Variants in FRMD6 observed in about 807,000 individuals in gnomAD.
FRMD6 encodes the protein FERM domain-containing protein 6.
FRMD6 carries 37 observed loss-of-function variants against 73.2 expected under a neutral mutation model. That is an observed-to-expected ratio of 0.51 (90% confidence interval 0.39 to 0.66). The LOEUF (loss-of-function observed/expected upper bound fraction) is 0.66. Ranked by LOEUF, FRMD6 falls within the 30% of genes least tolerant of loss-of-function variation. The pLI, the probability that FRMD6 is intolerant of heterozygous loss-of-function variation, is 0.00. For missense variants in FRMD6, 714 were observed against 780.5 expected (o/e 0.91, Z 1.02); for synonymous variants, 273 against 282.2 (o/e 0.97, Z 0.33).
the FRMD6 span, among the ~76,000 whole-genome samples, chr14:51,448,590 T>C: frequency 5.3e-5 from 8 of 152,334 alleles, no homozygotes; most frequent in South Asian, 1.7e-3. Context: ...AGTTACCCAT[T>C]GGCAAGGAAA....
At chr14:51,671,092 A>G (rs1893975252) in intron 1 of FRMD6, among the ~76,000 whole-genome samples, 1 of 152,206 alleles carries the variant, frequency 6.6e-6, no homozygotes, top group Non-Finnish European at 1.5e-5. Context: ...CGTTCCTGGA[A>G]TACACCCAAC....
In FRMD6 at chr14:51,535,823, G is replaced by GGTTCCAATTTT. The variant is rs1465392655; in HGVS notation, c.-209-34515_-209-34514insTGTTCCAATTT. On this transcript the variant is annotated intron_variant, in intron 1 of 14. Coordinates refer to the FRMD6 transcript ENST00000356218. ...AACAATCCCACCAGCAAGGTATGAGGGTTCCAATTTATCCACATCCTTGTC... is the reference window on the plus strand; with the variant it reads ...AACAATCCCACCAGCAAGGTATGAGGGTTCCAATTTTGTTCCAATTTATCCACATCCTTGTC... Among the ~76,000 whole-genome samples the GGTTCCAATTTT allele has an allele frequency of 3.3e-5, 5 of 151,754 alleles. No individual in the cohort carries two copies. In the East Asian group the frequency reaches 9.7e-4, roughly 30 times the overall value.
chr14:51,481,203 C>T, the FRMD6 span, among the ~76,000 whole-genome samples: 4 of 152,132 alleles, frequency 2.6e-5, no homozygotes, highest in South Asian at 2.1e-4. Flanking sequence ...TGTATTCGTC[C>T]GTTTTCATGC....
intron 2 of FRMD6, among the ~76,000 whole-genome samples, chr14:51,617,421 A>T (rs1268313061): frequency 6.6e-6 from 1 of 152,220 alleles, no homozygotes; most frequent in Non-Finnish European, 1.5e-5. Flanking sequence ...TTCCAGATGC[A>T]GTGTTGCTCA....
At chr14:51,643,217 G>C (rs999945633) in intron 2 of FRMD6, among the ~76,000 whole-genome samples, 2 of 143,698 alleles carry the variant, frequency 1.4e-5, no homozygotes, top group African/African-American at 5.0e-5. Context: ...AAACGTCACA[G>C]ATCAGTGACC....
chr14:51,493,165 T>G (rs1220800851), intron 1 of FRMD6, among the ~76,000 whole-genome samples: 1 of 152,196 alleles, frequency 6.6e-6, no homozygotes, highest in Non-Finnish European at 1.5e-5. Context: ...ATGAAAAAAT[T>G]TAATCTCCCA....
chr14:51,518,032 A>G (rs1003868501), intron 1 of FRMD6, among the ~76,000 whole-genome samples: 2 of 152,240 alleles, frequency 1.3e-5, no homozygotes, highest in Admixed American at 6.5e-5. Context: ...AATTTTGTCT[A>G]AGAGAAAAAA....
the FRMD6 span, among the ~76,000 whole-genome samples, chr14:51,472,827 A>G: frequency 6.6e-6 from 1 of 152,198 alleles, no homozygotes; most frequent in Non-Finnish European, 1.5e-5. Flanking sequence ...GGCGCCAGGA[A>G]TCTTTGTTTA....
At chr14:51,428,779 T>C in the FRMD6 span, among the ~76,000 whole-genome samples, 1 of 152,100 alleles carries the variant, frequency 6.6e-6, no homozygotes, top group African/African-American at 2.4e-5. Context: ...GCCTGACTGC[T>C]TTTGCCAATA....
chr14:51,622,478 G>C (rs1890961165), intron 2 of FRMD6, among the ~76,000 whole-genome samples: 1 of 152,276 alleles, frequency 6.6e-6, no homozygotes, highest in African/African-American at 2.4e-5. Flanking sequence ...GGCAGAAGCA[G>C]TCCTGACTCC....
intron 1 of FRMD6, among the ~76,000 whole-genome samples, chr14:51,526,015 A>G (rs1885235994): frequency 6.6e-6 from 1 of 152,180 alleles, no homozygotes; most frequent in African/African-American, 2.4e-5. Flanking sequence ...AGTGACATCT[A>G]TTCTGGGACA....
chr14:51,695,756 ACTTTGGT>A (rs1422119130), intron 2 of FRMD6, among the ~76,000 whole-genome samples: 1 of 152,146 alleles, frequency 6.6e-6, no homozygotes, highest in South Asian at 2.1e-4. Flanking sequence ...ACTTGGTGCT[ACTTTGGT>A]CTTAAATATC....
chr14:51,472,447 G>C, the FRMD6 span, among the ~76,000 whole-genome samples: 4 of 152,124 alleles, frequency 2.6e-5, no homozygotes, highest in African/African-American at 9.7e-5. Context: ...GGGACTACAG[G>C]CACCTGCCAC....
intron 1 of FRMD6, among the ~76,000 whole-genome samples, chr14:51,666,336 T>C (rs542894036): frequency 2.2e-4 from 33 of 152,362 alleles, no homozygotes; most frequent in African/African-American, 7.5e-4. Flanking sequence ...ATGACTAATA[T>C]TGTTTTAAAT....
chr14:51,679,508 A>AATGTTTGG (rs1293377525), intron 1 of FRMD6, among the ~76,000 whole-genome samples: 1 of 150,456 alleles, frequency 6.6e-6, no homozygotes, highest in African/African-American at 2.4e-5. Context: ...CCTTAGGCTT[A>AATGTTTGG]ATGTTTGGAA....
chr14:51,654,062 G>A (rs1203078001), intron 1 of FRMD6, among the ~76,000 whole-genome samples: 1 of 152,132 alleles, frequency 6.6e-6, no homozygotes, highest in East Asian at 1.9e-4. Flanking sequence ...ATTTTAAGGG[G>A]CAGGAAATCT....
intron 1 of FRMD6, among the ~76,000 whole-genome samples, chr14:51,667,002 A>G (rs1377615976): frequency 1.3e-5 from 2 of 152,038 alleles, no homozygotes; most frequent in Non-Finnish European, 1.5e-5. Context: ...GGGTGTGGTG[A>G]TGCGTGCCTG....
At chr14:51,484,312 G>A (rs1348526012), upstream of FRMD6, among the ~76,000 whole-genome samples, 1 of 152,134 alleles carries the variant, frequency 6.6e-6, no homozygotes, top group Non-Finnish European at 1.5e-5. Context: ...TGAATCAGGA[G>A]GCCACTGCTG....
At chr14:51,549,838 G>A (rs1365066766) in intron 1 of FRMD6, among the ~76,000 whole-genome samples, 1 of 151,816 alleles carries the variant, frequency 6.6e-6, no homozygotes, top group African/African-American at 2.4e-5. Flanking sequence ...CTCGTGATCC[G>A]CCCGCCTCGG....
Sources: allele counts gnomAD v4.1 joint callset (sites outside exome capture counted in the v4.1 genomes callset), GRCh38; gene constraint gnomAD v4.1.1; transcripts MANE v1.5; gene names NCBI Gene and HGNC (gene_info 2026-07-23, HGNC 2026-07-21).